Variants in ABCC10 observed in about 807,000 individuals in gnomAD.
ABCC10 encodes the protein ATP binding cassette subfamily C member 10.
In ABCC10, 110 loss-of-function variants were observed where a neutral mutation model predicts 143.2. The observed-to-expected ratio is 0.77, with a 90% CI of 0.66 to 0.90. The LOEUF is 0.90. Ranked by LOEUF, ABCC10 falls within the 40% of genes least tolerant of loss-of-function variation. The pLI, the probability that ABCC10 is intolerant of heterozygous loss-of-function variation, is 0.00. For synonymous variants in ABCC10, 805 were observed against 846.7 expected (o/e 0.95, Z 0.85); for missense variants, 1,700 against 1,900.5 (o/e 0.89, Z 1.96).
intron 2 of ABCC10, 135 bp downstream of exon 2, chr6:43,428,274 G>C (rs1780721010): frequency 1.9e-6 from 2 of 1,073,252 alleles, no homozygotes; most frequent in Admixed American, 3.0e-5. Context: ...TCTAAGCATT[G>C]CTACTTAGCA....
In ABCC10 at chr6:43,445,751, C is replaced by G; in HGVS notation, c.3183C>G (p.Gly1061=). ...TGCTGGGGCTCCTGGCCGTGCTGGGCTCTGGCCTGCCCTGGCTGCTGCTCC... is the reference window on the plus strand; with the variant it reads ...TGCTGGGGCTCCTGGCCGTGCTGGGGTCTGGCCTGCCCTGGCTGCTGCTCC... ...AGLLGLLAVL[G]SGLPWLLLLL... The change falls in exon 15 of 22, where the codon GGC becomes GGG. Residue 1061 remains glycine, a synonymous_variant. Coordinates refer to ENST00000372530, the MANE Select transcript of ABCC10 (RefSeq NM_001198934.2). 6.2e-7 allele frequency: 1 copy of G among 1,614,142 alleles called. No individual in the cohort carries two copies. Among genetic ancestry groups the G allele is most frequent in the South Asian group, 1.1e-5 (1 of 91,082 alleles).
intron 3 of ABCC10, among the ~76,000 whole-genome samples, chr6:43,434,308 C>T (rs1229328400): frequency 1.3e-5 from 2 of 152,256 alleles, no homozygotes; most frequent in Non-Finnish European, 2.9e-5. Context: ...TTTTACTCCA[C>T]TGTGGTGACC....
chr6:43,437,036 C>T (rs1182729828), intron 6 of ABCC10, among the ~76,000 whole-genome samples: 1 of 152,092 alleles, frequency 6.6e-6, no homozygotes, highest in African/African-American at 2.4e-5. Flanking sequence ...TTGCAGAATC[C>T]AAAGGCAGGA....
At position 43,445,501 on chromosome 6, in the gene ABCC10, A is replaced by G. The variant is rs539117054; in HGVS notation, c.3031-98A>G. 16 of 1,410,616 alleles carry G rather than the reference A, an allele frequency of 1.1e-5. No homozygotes were observed. The East Asian group carries it at 1.6e-4, about 14-fold the overall frequency. 87.4% of individuals were successfully genotyped at this position (1,410,616 alleles called of 1,614,324 possible). ...ATATTTTAGTCCTTCCCTATTCTCT[A>G]TCTTGGGCCTTCCCCTCCACCCCAC... On this transcript the variant is annotated intron_variant, in intron 14 of 21. Coordinates refer to ENST00000372530, the MANE Select transcript of ABCC10 (RefSeq NM_001198934.2).
chr6:43,439,406 A>AT (rs11386275), intron 8 of ABCC10, among the ~76,000 whole-genome samples: 77,017 of 148,174 alleles, frequency 0.52, 20,696 homozygotes, highest in East Asian at 0.62. Flanking sequence ...AAATTGATTA[A>AT]TTTTTTTTTT....
intron 8 of ABCC10, 45 bp downstream of exon 8, chr6:43,438,840 T>C: frequency 1.2e-6 from 2 of 1,602,532 alleles, no homozygotes; most frequent in Non-Finnish European, 1.7e-6. Context: ...GTTTCTCCAG[T>C]GTCCCTGACA....
At chr6:43,433,459 C>T (rs1781352538) in intron 3 of ABCC10, 99 bp downstream of exon 3, 1 of 1,446,778 alleles carries the variant, frequency 6.9e-7, no homozygotes, top group East Asian at 2.5e-5. Flanking sequence ...TGAGAGTGAC[C>T]TCAAAGTTAA....
chr6:43,434,721 G>A lies in ABCC10; in HGVS notation c.1481G>A (p.Gly494Glu), dbSNP rs1781500256. The A allele has an allele frequency of 6.2e-7, 1 of 1,614,058 alleles. No homozygotes were observed. Among genetic ancestry groups the A allele is most frequent in the Non-Finnish European group, 8.5e-7 (1 of 1,180,030 alleles). Residue 494 changes from glycine to glutamate, a missense_variant, in exon 4 of 22, where the codon GGG (glycine) becomes GAG (glutamate). By Grantham distance (98) the Gly-to-Glu change is moderately conservative. Transcript: ENST00000372530. ...RVEACRAREL[G>E]RLRVIKYLDA... The stretch of plus-strand genomic sequence containing the variant: ...GAGGCCTGCCGGGCTCGAGAGCTGG[G>A]GCGACTCCGGGTCATCAAATACCTG...
intron 7 of ABCC10, 186 bp from the exon 8 acceptor site, chr6:43,438,438 T>C: frequency 2.1e-6 from 3 of 1,430,560 alleles, no homozygotes; most frequent in Non-Finnish European, 2.7e-6. Context: ...ATTTCTTCCC[T>C]TCTTCGCCCA....
At position 43,444,323 on chromosome 6, in the gene ABCC10, G is replaced by A; in HGVS notation, c.2659G>A (p.Ala887Thr). ...WKAVGQGLAL[A>T]ILFSLLLMQA... ...GGCCGTGGGCCAGGGCTTGGCCTTA[G>A]CCATCCTCTTCTCTCTGCTTCTCAT... is the stretch of plus-strand genomic sequence containing the variant. The change falls in exon 12 of 22, where the codon GCC becomes ACC. Residue 887 changes from alanine to threonine, a missense_variant. By Grantham distance (58) the Ala-to-Thr change is moderately conservative. Coordinates refer to ENST00000372530, the MANE Select transcript of ABCC10 (RefSeq NM_001198934.2). The A allele has an allele frequency of 6.2e-7, 1 of 1,611,416 alleles. No individual in the cohort carries two copies.
intron 8 of ABCC10, among the ~76,000 whole-genome samples, chr6:43,439,829 A>T (rs954203694): frequency 6.6e-6 from 1 of 152,016 alleles, no homozygotes; most frequent in Non-Finnish European, 1.5e-5. Flanking sequence ...TGATCTGCCC[A>T]CCTTGGCCTC....
intron 3 of ABCC10, 77 bp from the exon 4 acceptor site, chr6:43,434,544 G>T: frequency 1.5e-6 from 2 of 1,374,352 alleles, no homozygotes; most frequent in Non-Finnish European, 2.0e-6. Flanking sequence ...TCTGCCAGCA[G>T]CCTGGGGAAG....
intron 7 of ABCC10, chr6:43,438,225 T>C (rs1781964851): frequency 2.1e-6 from 2 of 938,448 alleles, no homozygotes; most frequent in Admixed American, 2.9e-5. Context: ...AATGCTATAA[T>C]AGTCAGCAAA....
Position 43,434,648 on chromosome 6 carries a change from C to T in ABCC10, c.1408C>T (p.Arg470Trp), listed in dbSNP as rs751655535. The T allele has an allele frequency of 1.5e-5, 24 of 1,613,882 alleles. No homozygotes were observed. Among genetic ancestry groups the T allele is most frequent in the South Asian group, 4.4e-5 (4 of 91,070 alleles). ...KLVTELLSGI[R>W]VIKFCGWEQA... ...TGTGACAGAGCTGCTGAGTGGCATTCGGGTCATCAAGTTCTGCGGGTGGGA... is the reference window on the plus strand; with the variant it reads ...TGTGACAGAGCTGCTGAGTGGCATTTGGGTCATCAAGTTCTGCGGGTGGGA... Residue 470 changes from arginine to tryptophan, a missense_variant, in exon 4 of 22, where the codon CGG (arginine) becomes TGG (tryptophan). Coordinates refer to ENST00000372530, the MANE Select transcript of ABCC10 (RefSeq NM_001198934.2).
rs1782660968 is a variant in ABCC10, at chr6:43,443,113, G to A, written c.2370G>A (p.Arg790=). 6.2e-7 allele frequency: 1 copy of A among 1,610,506 alleles called. No homozygotes were observed. Among genetic ancestry groups the A allele is most frequent in the South Asian group, 1.1e-5 (1 of 90,982 alleles). Residue 790 remains arginine (R), a synonymous_variant, in exon 10 of 22, where the codon AGG becomes AGA. Coordinates refer to ENST00000372530, the MANE Select transcript of ABCC10 (RefSeq NM_001198934.2). The surrounding 1 kb of genome is among the most constrained non-coding windows in gnomAD (Gnocchi z 4.2). ...LCTHRTEYLE[R]ADAVLLMEAG... is the part of the protein sequence containing the mutation. The stretch of plus-strand genomic sequence containing the variant: ...CCCACCGCACTGAGTACCTGGAGAG[G>A]GCTGACGCGGTGCTGCTGATGGAGG...
At chr6:43,451,848 T>C, downstream of ABCC10, 5 of 1,525,268 alleles carry the variant, frequency 3.3e-6, no homozygotes, top group South Asian at 5.2e-5. This position sits in a 1 kb window ranked among gnomAD's most constrained non-coding sequence, Gnocchi z 4.4. Flanking sequence ...TGACTCTCAG[T>C]CCCCCACCCT....
intron 2 of ABCC10, among the ~76,000 whole-genome samples, chr6:43,428,539 C>T (rs1429478051): frequency 6.6e-6 from 1 of 152,166 alleles, no homozygotes; most frequent in African/African-American, 2.4e-5. Context: ...CAGTTTCTCA[C>T]CACTGCAACC....
At chr6:43,440,153 C>T (rs901302432) in intron 8 of ABCC10, among the ~76,000 whole-genome samples, 4 of 151,468 alleles carry the variant, frequency 2.6e-5, no homozygotes, top group African/African-American at 9.7e-5. Flanking sequence ...GATGGGGTTT[C>T]ACCATGTTGC....
At chr6:43,431,050 G>C (rs1781071986) in intron 2 of ABCC10, among the ~76,000 whole-genome samples, 1 of 152,130 alleles carries the variant, frequency 6.6e-6, no homozygotes, top group African/African-American at 2.4e-5. Flanking sequence ...AATGCAGACA[G>C]ATCACCTTTT....
Sources: gnomAD v4.1 joint callset for allele counts (sites outside exome capture counted in the v4.1 genomes callset) on GRCh38, gnomAD v4.1.1 for gene constraint, Gnocchi (gnomAD v3.1) non-coding constraint, MANE v1.5 for transcripts, NCBI Gene and HGNC (gene_info 2026-07-23, HGNC 2026-07-21) for gene names.